Variants in CCDC40 observed in about 807,000 individuals in gnomAD.
The protein encoded by CCDC40 is coiled-coil domain 40 molecular ruler complex subunit, also known as coiled-coil domain-containing protein 40.
A neutral mutation model predicts 124.5 loss-of-function variants in CCDC40; 104 were observed. The ratio of observed to expected loss-of-function variants is 0.84; its 90% confidence interval spans 0.71 to 0.98. The LOEUF (loss-of-function observed/expected upper bound fraction) is 0.98. Ranked by LOEUF, CCDC40 falls within the 50% of genes least tolerant of loss-of-function variation. The probability of loss-of-function intolerance (pLI) is 0.00; values close to 1 mark genes in which losing one functional copy is unlikely to be tolerated. For synonymous variants in CCDC40, 580 were observed against 602.9 expected (o/e 0.96, Z 0.56); for missense variants, 1,463 against 1,503.9 (o/e 0.97, Z 0.45).
rs757404529 is a variant in CCDC40 at position 80,049,960 on chromosome 17, G to T, written c.910G>T (p.Glu304Ter). The change falls in exon 6 of 20, where the codon GAA becomes TAA. Residue 304 changes from glutamate to a stop codon, truncating the protein, a stop_gained. Transcript: ENST00000397545. LOFTEE classifies it high-confidence loss of function. ...ALKNYLNRQI[E>*]KLKLDLQELV... Reference sequence around the variant, plus strand: ...GAAGAACTACCTGAACCGACAGATCGAAAAGTTGAAGCTGGACCTCCAAGA... The same window carrying T: ...GAAGAACTACCTGAACCGACAGATCTAAAAGTTGAAGCTGGACCTCCAAGA... The T allele has an allele frequency of 6.2e-7, 1 of 1,614,092 alleles. No homozygotes were observed. The highest frequency in any genetic ancestry group is 2.2e-5 in the East Asian group (1 of 44,872).
At chr17:80,096,749 CT>C (rs1218590308) in intron 18 of CCDC40, among the ~76,000 whole-genome samples, 1 of 152,240 alleles carries the variant, frequency 6.6e-6, no homozygotes, top group Non-Finnish European at 1.5e-5. Context: ...GCATCACCCC[CT>C]GGACCATGTC....
At chr17:80,094,735 G>A (rs184806952) in intron 17 of CCDC40, among the ~76,000 whole-genome samples, 122 of 152,128 alleles carry the variant, frequency 8.0e-4, no homozygotes, top group African/African-American at 2.6e-3. Context: ...GTTCTAACAC[G>A]CGCACACATC....
intron 12 of CCDC40, among the ~76,000 whole-genome samples, chr17:80,082,375 T>C (rs1200927750): frequency 6.6e-6 from 1 of 150,816 alleles, no homozygotes; most frequent in Non-Finnish European, 1.5e-5. Context: ...CCCTGGGATC[T>C]TGCTTTATCC....
chr17:80,040,326 C>CA, intron 3 of CCDC40, 56 bp downstream of exon 3: 1 of 1,501,394 alleles, frequency 6.7e-7, no homozygotes, highest in Non-Finnish European at 9.2e-7. Context: ...CGGGGTTTGT[C>CA]ACCCTATGTG....
At chr17:80,044,868 A>G (rs966987141) in intron 3 of CCDC40, among the ~76,000 whole-genome samples, 3 of 151,984 alleles carry the variant, frequency 2.0e-5, no homozygotes, top group Non-Finnish European at 4.4e-5. Context: ...GTTTTCAAAT[A>G]TGATTGAAGA....
At chr17:80,056,000 ATATATATATATATATATT>A (rs1355399493) in intron 7 of CCDC40, among the ~76,000 whole-genome samples, 1 of 7,572 alleles carries the variant, frequency 1.3e-4, no homozygotes, top group African/African-American at 3.8e-4. Flanking sequence ...ATATATATAT[ATATATATATATATATATT>A]TTTTTTTTTT....
chr17:80,041,801 C>T (rs1282059443), intron 3 of CCDC40, among the ~76,000 whole-genome samples: 18 of 152,090 alleles, frequency 1.2e-4, no homozygotes, highest in Admixed American at 5.9e-4. Flanking sequence ...GGGACTATCA[C>T]GGAAGCGACG....
chr17:80,040,310 G>A (rs774853047), intron 3 of CCDC40, 40 bp downstream of exon 3: 30 of 1,577,382 alleles, frequency 1.9e-5, no homozygotes, highest in East Asian at 1.4e-4. Flanking sequence ...AGTGTCGCAC[G>A]GCCCACGGGG....
At chr17:80,071,930 G>A (rs560350303) in intron 10 of CCDC40, among the ~76,000 whole-genome samples, 1 of 142,402 alleles carries the variant, frequency 7.0e-6, no homozygotes, top group East Asian at 2.1e-4. Context: ...TCCACCTCCT[G>A]GGTTCAAGTG....
intron 9 of CCDC40, among the ~76,000 whole-genome samples, chr17:80,061,436 G>A (rs1438450775): frequency 2.6e-5 from 4 of 152,150 alleles, no homozygotes; most frequent in East Asian, 1.9e-4. Context: ...AGATGAAGGC[G>A]GGGAGACAGG....
chr17:80,065,450 A>G, intron 9 of CCDC40, 35 bp from the exon 10 acceptor site: 3 of 1,611,726 alleles, frequency 1.9e-6, no homozygotes, highest in Non-Finnish European at 1.7e-6. Context: ...ATGAAATGAG[A>G]CAGCCATTCC....
chr17:80,097,094 G>T, intron 18 of CCDC40, 151 bp from the exon 19 acceptor site: 1 of 846,338 alleles, frequency 1.2e-6, no homozygotes. Context: ...CATCTCCCAG[G>T]CCTCGCCTCT....
Position 80,087,986 on chromosome 17 carries a change from C to A in CCDC40, c.2620-25C>A. On this transcript the variant is annotated intron_variant, in intron 15 of 19. Coordinates refer to ENST00000397545, the MANE Select transcript of CCDC40 (RefSeq NM_017950.4). This position sits in a 1 kb window ranked among gnomAD's most constrained non-coding sequence, Gnocchi z 4.5. The stretch of plus-strand genomic sequence containing the variant: ...CACAATCCCATGGCCCTCCCCACAG[C>A]TGTCCCGCCCCCTCCCCCATGCAGG... The A allele has an allele frequency of 6.4e-7, 1 of 1,552,746 alleles. No individual in the cohort carries two copies. The highest frequency in any genetic ancestry group is 8.9e-7 in the Non-Finnish European group (1 of 1,124,152).
intron 10 of CCDC40, among the ~76,000 whole-genome samples, chr17:80,069,876 C>G (rs1312936559): frequency 6.6e-6 from 1 of 152,240 alleles, no homozygotes; most frequent in East Asian, 1.9e-4. Context: ...TTCCTTTTCC[C>G]TCAGTCCTGA....
Position 80,087,411 on chromosome 17 carries a change from G to T in CCDC40, c.2450-196G>T. Reference sequence around the variant, plus strand: ...TTTGGGAGCTTAGCAGCCAAAAAGAGACCCCCTGTCCTCTCCTCTCCTCTG... The same window carrying T: ...TTTGGGAGCTTAGCAGCCAAAAAGATACCCCCTGTCCTCTCCTCTCCTCTG... On this transcript the variant is annotated intron_variant, in intron 14 of 19. Transcript: ENST00000397545. This position sits in a 1 kb window ranked among gnomAD's most constrained non-coding sequence, Gnocchi z 4.5. The T allele has an allele frequency of 1.8e-6, 1 of 564,690 alleles. No homozygotes were observed. The allele number at this position is 564,690 out of a possible 1,614,324, so 35.0% of individuals were successfully genotyped here.
chr17:80,061,439 G>C (rs2037892351), intron 9 of CCDC40, among the ~76,000 whole-genome samples: 1 of 152,170 alleles, frequency 6.6e-6, no homozygotes, highest in Admixed American at 6.5e-5. Context: ...TGAAGGCGGG[G>C]AGACAGGCAG....
rs200272404 is a variant in CCDC40, at chr17:80,081,557, A to C, written c.1574A>C (p.His525Pro). ...AVLEALRGCQ[H>P]QAKSTDGEIE... Reference sequence around the variant, plus strand: ...CTGCATTTCTACAGAGGATGCCAGCATCAAGCCAAATCCACCGACGGCGAG... The same window carrying C: ...CTGCATTTCTACAGAGGATGCCAGCCTCAAGCCAAATCCACCGACGGCGAG... Residue 525 changes from histidine to proline, a missense_variant, in exon 11 of 20, where the codon CAT becomes CCT. Coordinates refer to ENST00000397545, the MANE Select transcript of CCDC40 (RefSeq NM_017950.4). The C allele has an allele frequency of 6.2e-7, 1 of 1,613,538 alleles. No individual in the cohort carries two copies. Among genetic ancestry groups the C allele is most frequent in the East Asian group, 2.2e-5 (1 of 44,902 alleles).
At chr17:80,047,545 G>T in intron 4 of CCDC40, 143 bp downstream of exon 4, 1 of 796,596 alleles carries the variant, frequency 1.3e-6, no homozygotes, top group Non-Finnish European at 2.1e-6. Context: ...CTTATTAACA[G>T]ATATGGATAA....
chr17:80,086,118 T>C lies in CCDC40; in HGVS notation c.2351T>C (p.Met784Thr). Residue 784 changes from methionine (M) to threonine (T), a missense_variant, in exon 14 of 20, where the codon ATG becomes ACG. Met to Thr is a moderately conservative substitution (Grantham distance 81). Transcript: ENST00000397545. This position sits in a 1 kb window ranked among gnomAD's most constrained non-coding sequence, Gnocchi z 5.5. The part of the protein sequence containing the change: ...QVTWLRLQQE[M>T]VKVTQEQEEQ... ...ACCTGGCTGCGCCTGCAGCAGGAGA[T>C]GGTCAAGGTGACACAGGAGCAGGAG... The C allele has an allele frequency of 6.2e-7, 1 of 1,614,024 alleles. No individual in the cohort carries two copies. The highest frequency in any genetic ancestry group is 1.7e-4 in the Middle Eastern group (1 of 6,050).
Sources: gnomAD v4.1 joint callset for allele counts (sites outside exome capture counted in the v4.1 genomes callset) on GRCh38, gnomAD v4.1.1 for gene constraint, Gnocchi (gnomAD v3.1) non-coding constraint, MANE v1.5 for transcripts, NCBI Gene and HGNC (gene_info 2026-07-23, HGNC 2026-07-21) for gene names.